LOC400499: variants seen among roughly 807,000 people sequenced by gnomAD.
chr16:11,491,894 C>T, the LOC400499 span: 2 of 398,514 alleles, frequency 5.0e-6, no homozygotes, highest in Non-Finnish European at 4.4e-6. Flanking sequence ...CCTACCTCCA[C>T]CCAGGAGTAT....
chr16:11,416,924 C>A, the LOC400499 span, among the ~76,000 whole-genome samples: 1 of 152,054 alleles, frequency 6.6e-6, no homozygotes, highest in Non-Finnish European at 1.5e-5. Context: ...GGCTCGCAGG[C>A]CCCTCTAAGA....
chr16:11,453,607 G>A, the LOC400499 span, among the ~76,000 whole-genome samples: 1 of 151,934 alleles, frequency 6.6e-6, no homozygotes, highest in Non-Finnish European at 1.5e-5. Context: ...CTAGTAGAAG[G>A]GCTAGCATAT....
At chr16:11,505,441 T>C in the LOC400499 span, among the ~76,000 whole-genome samples, 1 of 132,858 alleles carries the variant, frequency 7.5e-6, no homozygotes, top group East Asian at 2.1e-4. Flanking sequence ...TTAATTTTTC[T>C]TTTCTTTTTT....
chr16:11,462,084 A>G, the LOC400499 span: 2 of 1,448,224 alleles, frequency 1.4e-6, no homozygotes, highest in Non-Finnish European at 1.8e-6. Context: ...CTGGCCACAG[A>G]GCAGAGGGGA....
At chr16:11,406,384 C>A in the LOC400499 span, among the ~76,000 whole-genome samples, 123 of 152,244 alleles carry the variant, frequency 8.1e-4, no homozygotes, top group Middle Eastern at 6.8e-3. Context: ...TGTATATATA[C>A]CACAGTCTCT....
the LOC400499 span, chr16:11,491,574 A>G: frequency 2.6e-6 from 1 of 386,556 alleles, no homozygotes; most frequent in Non-Finnish European, 4.6e-6. Flanking sequence ...ACAGGGGAAC[A>G]AGAACACAGC....
chr16:11,519,828 C>T, the LOC400499 span, among the ~76,000 whole-genome samples: 1 of 151,840 alleles, frequency 6.6e-6, no homozygotes, highest in Admixed American at 6.6e-5. Flanking sequence ...GCCTCAGCCT[C>T]CTGAGTAGCT....
chr16:11,489,721 G>A, the LOC400499 span, among the ~76,000 whole-genome samples: 1 of 152,224 alleles, frequency 6.6e-6, no homozygotes, highest in African/African-American at 2.4e-5. Context: ...CCCCTGAGGA[G>A]GGGTTTAGCA....
the LOC400499 span, among the ~76,000 whole-genome samples, chr16:11,448,366 G>A: frequency 3.9e-5 from 6 of 152,198 alleles, no homozygotes; most frequent in African/African-American, 1.4e-4. Context: ...AGTGACCAGG[G>A]TCCATTTCAC....
chr16:11,453,283 C>T, the LOC400499 span, among the ~76,000 whole-genome samples: 1 of 152,178 alleles, frequency 6.6e-6, no homozygotes, highest in Admixed American at 6.5e-5. Flanking sequence ...TTAATTAAGT[C>T]CTCAGGCAGC....
At chr16:11,435,970 C>T in the LOC400499 span, 1 of 398,216 alleles carries the variant, frequency 2.5e-6, no homozygotes, top group Non-Finnish European at 4.4e-6. Flanking sequence ...CCTCCTGAGC[C>T]ACTCCAACTT....
the LOC400499 span, chr16:11,519,036 C>T: frequency 5.0e-6 from 2 of 398,724 alleles, no homozygotes; most frequent in African/African-American, 4.1e-5. Flanking sequence ...GCCAGCACCC[C>T]ACCCACAAAG....
the LOC400499 span, among the ~76,000 whole-genome samples, chr16:11,505,683 A>C: frequency 6.6e-6 from 1 of 151,934 alleles, no homozygotes; most frequent in South Asian, 2.1e-4. Context: ...CCTGGGGTTT[A>C]AGTGATCCAC....
chr16:11,502,594 T>A, the LOC400499 span, among the ~76,000 whole-genome samples: 16 of 152,198 alleles, frequency 1.1e-4, no homozygotes, highest in African/African-American at 3.6e-4. Flanking sequence ...GGTGGCAATC[T>A]TTTCCTACAT....
chr16:11,446,713 A>G, the LOC400499 span: 2 of 1,533,026 alleles, frequency 1.3e-6, no homozygotes, highest in Non-Finnish European at 8.7e-7. Flanking sequence ...TCTGGCTCTC[A>G]GGCCCCTTCC....
At chr16:11,463,203 G>C in the LOC400499 span, among the ~76,000 whole-genome samples, 1 of 152,120 alleles carries the variant, frequency 6.6e-6, no homozygotes, top group South Asian at 2.1e-4. Flanking sequence ...GAAAAGTCAT[G>C]AGCAACTACA....
the LOC400499 span, among the ~76,000 whole-genome samples, chr16:11,453,938 C>T: frequency 6.6e-6 from 1 of 152,192 alleles, no homozygotes; most frequent in Non-Finnish European, 1.5e-5. Flanking sequence ...ATCAAAGAAA[C>T]TGTAAGAGAA....
chr16:11,489,010 G>A, the LOC400499 span: 1 of 395,768 alleles, frequency 2.5e-6, no homozygotes, highest in Admixed American at 4.4e-5. Context: ...TGGCTACAGA[G>A]ACCTACGTCT....
chr16:11,491,683 C>A, the LOC400499 span: 1 of 384,408 alleles, frequency 2.6e-6, no homozygotes. Context: ...CCCTCCCACA[C>A]ACACACCCAT....
Sources: allele counts gnomAD v4.1 joint callset (sites outside exome capture counted in the v4.1 genomes callset), GRCh38; gene constraint gnomAD v4.1.1; transcripts MANE v1.5.